Variants in ST18 observed in about 807,000 individuals in gnomAD.
ST18 encodes the protein ST18 C2H2C-type zinc finger transcription factor.
In ST18, 50 loss-of-function variants were observed where a neutral mutation model predicts 110.0. The ratio of observed to expected loss-of-function variants is 0.45; its 90% CI spans 0.36 to 0.58. ST18 has a LOEUF of 0.58. Ranked by LOEUF, ST18 falls within the 20% of genes least tolerant of loss-of-function variation. The pLI is 0.00. For synonymous variants in ST18, 461 were observed against 452.4 expected, an observed-to-expected ratio of 1.02 and a Z score of -0.24; for missense variants, 1,306 against 1,280.1, an observed-to-expected ratio of 1.02 and a Z score of -0.31.
rs573074019 is a variant in ST18 at position 52,282,336 on chromosome 8, G to C, written c.-464-52259C>G. Among the ~76,000 whole-genome samples the C allele has an allele frequency of 3.9e-5, 6 of 152,292 alleles. No homozygotes were observed. In the East Asian group the frequency reaches 7.7e-4, roughly 20 times the overall value. On this transcript the variant is annotated intron_variant, in intron 2 of 25. Transcript: ENST00000689386. ...ATGTACCAAAAAGATAATCCACTGT[G>C]ACAAAATTGGGCTAATTAATTTCAG...
intron 8 of ST18, among the ~76,000 whole-genome samples, chr8:52,183,908 T>C (rs1326952218): frequency 6.6e-6 from 1 of 152,240 alleles, no homozygotes; most frequent in Non-Finnish European, 1.5e-5. Flanking sequence ...ATTTCTCCAC[T>C]GGAAAATACC....
intron 2 of ST18, among the ~76,000 whole-genome samples, chr8:52,369,805 G>A (rs1829582078): frequency 6.6e-6 from 1 of 152,246 alleles, no homozygotes; most frequent in East Asian, 1.9e-4. Flanking sequence ...ACTATCAAAG[G>A]TGAGATAATA....
At chr8:52,308,377 G>A (rs1287939437) in intron 2 of ST18, among the ~76,000 whole-genome samples, 1 of 152,192 alleles carries the variant, frequency 6.6e-6, no homozygotes, top group Non-Finnish European at 1.5e-5. Context: ...ATAACTCTGT[G>A]AATTTGGCAG....
In ST18 at chr8:52,212,165, T is replaced by C. The variant is rs1006458224; in HGVS notation, c.56-56A>G. The C allele has an allele frequency of 5.8e-6, 9 of 1,542,536 alleles. No homozygotes were observed. The African/African-American group carries it at 9.8e-5, about 17-fold the overall frequency. On this transcript the variant is annotated intron_variant, in intron 7 of 25. Coordinates refer to ENST00000689386, the MANE Select transcript of ST18 (RefSeq NM_001352837.2). ...TTAATCAGTTGATAATTTTCAAAAC[T>C]GTATAATGGAAACTTTTCCCCCACC... is the stretch of plus-strand genomic sequence containing the variant.
At chr8:52,365,072 C>T (rs1827299385) in intron 2 of ST18, among the ~76,000 whole-genome samples, 1 of 151,458 alleles carries the variant, frequency 6.6e-6, no homozygotes, top group African/African-American at 2.4e-5. Context: ...TGAGATTGCG[C>T]CACTGCACTC....
intron 8 of ST18, among the ~76,000 whole-genome samples, chr8:52,183,114 A>G (rs1446599094): frequency 6.6e-6 from 1 of 152,180 alleles, no homozygotes; most frequent in Non-Finnish European, 1.5e-5. Flanking sequence ...ATTTTACTAC[A>G]TAAGGACATA....
chr8:52,336,477 A>G (rs1447117173), intron 2 of ST18, among the ~76,000 whole-genome samples: 1 of 152,180 alleles, frequency 6.6e-6, no homozygotes, highest in Non-Finnish European at 1.5e-5. Flanking sequence ...AGGTGAAAAT[A>G]CAAGAAAATT....
At chr8:52,360,042 A>C (rs1825005494) in intron 2 of ST18, among the ~76,000 whole-genome samples, 1 of 152,142 alleles carries the variant, frequency 6.6e-6, no homozygotes, top group Non-Finnish European at 1.5e-5. Flanking sequence ...GACTTATATA[A>C]AATTAGTATG....
intron 8 of ST18, among the ~76,000 whole-genome samples, chr8:52,200,644 G>A (rs1022651292): frequency 2.6e-5 from 4 of 152,180 alleles, no homozygotes; most frequent in African/African-American, 7.2e-5. Flanking sequence ...CTGTAAGAAG[G>A]TGCTGACAGT....
chr8:52,242,382 T>C (rs1055492364), intron 2 of ST18, among the ~76,000 whole-genome samples: 2 of 152,202 alleles, frequency 1.3e-5, no homozygotes, highest in African/African-American at 2.4e-5. Context: ...GTGCCTGAGG[T>C]TGAATCCAGG....
intron 2 of ST18, among the ~76,000 whole-genome samples, chr8:52,260,058 A>G (rs1412327027): frequency 6.6e-6 from 1 of 152,164 alleles, no homozygotes; most frequent in Non-Finnish European, 1.5e-5. Context: ...AACCTTACCT[A>G]TTTTTCTTTT....
chr8:52,133,762 C>T (rs370223657), intron 19 of ST18, among the ~76,000 whole-genome samples: 10 of 151,158 alleles, frequency 6.6e-5, no homozygotes, highest in East Asian at 5.8e-4. Flanking sequence ...GACAAAGTCT[C>T]GCTCTGTGGC....
intron 2 of ST18, among the ~76,000 whole-genome samples, chr8:52,305,467 C>T (rs2095797877): frequency 6.6e-6 from 1 of 152,236 alleles, no homozygotes; most frequent in African/African-American, 2.4e-5. Context: ...TTACAGCTCT[C>T]AAAGTTGTAG....
intron 2 of ST18, among the ~76,000 whole-genome samples, chr8:52,244,599 A>G (rs1177493510): frequency 6.6e-6 from 1 of 152,156 alleles, no homozygotes; most frequent in Non-Finnish European, 1.5e-5. Flanking sequence ...TAAAATAACC[A>G]CAGCATCCAC....
intron 15 of ST18, among the ~76,000 whole-genome samples, chr8:52,152,134 C>T (rs2058963147): frequency 6.6e-6 from 1 of 152,202 alleles, no homozygotes; most frequent in African/African-American, 2.4e-5. Flanking sequence ...CCTGACTTCA[C>T]TGGGAGAGAG....
At chr8:52,374,400 C>T (rs1167210119) in intron 2 of ST18, among the ~76,000 whole-genome samples, 1 of 152,134 alleles carries the variant, frequency 6.6e-6, no homozygotes, top group Non-Finnish European at 1.5e-5. Flanking sequence ...GGCAGGAACA[C>T]ACTCCCTCGG....
In ST18 at chr8:52,171,999, C is replaced by G. The variant is rs947153497; in HGVS notation, c.862G>C (p.Val288Leu). The G allele has an allele frequency of 6.2e-7, 1 of 1,614,232 alleles. No individual in the cohort carries two copies. Among genetic ancestry groups the G allele is most frequent in the Non-Finnish European group, 8.5e-7 (1 of 1,180,052 alleles). ...VEEEDSESLA[V>L]MTEEGSDLEK... is the part of the protein sequence containing the mutation. ...AGGTCACTACCCTCTTCCGTCATTACTGCCAGGCTCTCGCTATCTTCCTCC... is the reference window on the plus strand; with the variant it reads ...AGGTCACTACCCTCTTCCGTCATTAGTGCCAGGCTCTCGCTATCTTCCTCC... Residue 288 changes from valine (V) to leucine (L), a missense_variant, in exon 10 of 26, where the codon GTA becomes CTA. Transcript: ENST00000689386.
At chr8:52,114,593 G>T (rs1037270834) in intron 25 of ST18, among the ~76,000 whole-genome samples, 4 of 152,154 alleles carry the variant, frequency 2.6e-5, no homozygotes, top group Admixed American at 2.6e-4. Context: ...TAAATTATTA[G>T]TATTGTCCAA....
At chr8:52,339,343 T>G (rs1813740570) in intron 2 of ST18, among the ~76,000 whole-genome samples, 2 of 152,224 alleles carry the variant, frequency 1.3e-5, no homozygotes, top group Non-Finnish European at 2.9e-5. Context: ...CTTCCCAACC[T>G]CTAGACCCAG....
Sources: allele counts gnomAD v4.1 joint callset (sites outside exome capture counted in the v4.1 genomes callset), GRCh38; gene constraint gnomAD v4.1.1; transcripts MANE v1.5; gene names NCBI Gene and HGNC (gene_info 2026-07-23, HGNC 2026-07-21).